NT5M: variants seen among roughly 807,000 people sequenced by gnomAD.
NT5M encodes the protein 5',3'-nucleotidase, mitochondrial, also known as 5'(3')-deoxyribonucleotidase, mitochondrial.
Under a neutral mutation model 22.2 loss-of-function variants are expected in NT5M, and 22 were observed. The observed-to-expected ratio is 0.99, with a 90% confidence interval of 0.71 to 1.41. The LOEUF is 1.41. Ranked by LOEUF, NT5M falls within the 40% of genes most tolerant of loss-of-function variation. NT5M has a pLI of 0.00. For synonymous variants in NT5M, 167 were observed against 133.0 expected (o/e 1.26, Z -1.76); for missense variants, 322 against 314.8 (o/e 1.02, Z -0.17).
chr17:17,344,015 C>G (rs1285051440), intron 3 of NT5M, among the ~76,000 whole-genome samples: 1 of 152,150 alleles, frequency 6.6e-6, no homozygotes, highest in Non-Finnish European at 1.5e-5. Context: ...AGGAAAAAGT[C>G]AATTTCCCCA....
At chr17:17,319,553 A>G (rs1267660945) in intron 2 of NT5M, among the ~76,000 whole-genome samples, 1 of 152,242 alleles carries the variant, frequency 6.6e-6, no homozygotes, top group African/African-American at 2.4e-5. Context: ...CTGTTGATAC[A>G]TTTATTTAAC....
Position 17,311,851 on chromosome 17 carries a change from TG to T in NT5M, c.368+5209del, listed in dbSNP as rs144948052. The stretch of plus-strand genomic sequence containing the variant: ...GTATGAACTTGATGTATCGTGTTCC[TG>T]TAGCAGGAGTCTGAGAGGCAAAGAA... On this transcript the variant is annotated intron_variant, in intron 2 of 4. Coordinates refer to ENST00000389022, the MANE Select transcript of NT5M (RefSeq NM_020201.4). Among the ~76,000 whole-genome samples, 799 of 152,366 alleles carry T rather than the reference TG, an allele frequency of 5.2e-3. 7 individuals carry two copies. Among genetic ancestry groups the T allele is most frequent in the African/African-American group, 0.018 (755 of 41,594 alleles).
intron 3 of NT5M, among the ~76,000 whole-genome samples, chr17:17,338,165 A>T (rs2049557119): frequency 1.3e-5 from 2 of 151,004 alleles, no homozygotes; most frequent in South Asian, 4.2e-4. Context: ...TTCAAGGTAG[A>T]TATATGGATT....
chr17:17,323,064 A>T, intron 2 of NT5M, 121 bp from the exon 3 acceptor site: 2 of 822,104 alleles, frequency 2.4e-6, no homozygotes, highest in Non-Finnish European at 4.3e-6. Flanking sequence ...TGGGTCTCCC[A>T]CAGCAGGGGA....
chr17:17,343,934 T>A (rs2049701235), intron 3 of NT5M, among the ~76,000 whole-genome samples: 1 of 152,098 alleles, frequency 6.6e-6, no homozygotes, highest in Admixed American at 6.5e-5. Flanking sequence ...CCAGAGCAGG[T>A]GCCGTGCTTA....
rs962961770 is a variant in NT5M at position 17,330,686 on chromosome 17, A to AT, written c.429+7451dup. On this transcript the variant is annotated intron_variant, in intron 3 of 4. Coordinates refer to ENST00000389022, the MANE Select transcript of NT5M (RefSeq NM_020201.4). ...CCACCGCGCCTGGCCAACATAGACC[A>AT]TTTTTTTTTTAACTTAAGATAATGA... Among the ~76,000 whole-genome samples, 45 of 137,846 alleles carry AT rather than the reference A, an allele frequency of 3.3e-4. 2 individuals carry two copies. The highest frequency in any genetic ancestry group is 1.9e-3 in the East Asian group (9 of 4,756). The allele number at this position is 137,846 out of a possible 152,430, so 90.4% of individuals were successfully genotyped here.
chr17:17,338,684 T>G (rs1292152129), intron 3 of NT5M, among the ~76,000 whole-genome samples: 1 of 147,738 alleles, frequency 6.8e-6, no homozygotes, highest in Non-Finnish European at 1.5e-5. Flanking sequence ...AGGGTTTTTT[T>G]TTTTTTTTTT....
chr17:17,341,728 C>T (rs1337082330), intron 3 of NT5M, among the ~76,000 whole-genome samples: 1 of 152,134 alleles, frequency 6.6e-6, no homozygotes, highest in Non-Finnish European at 1.5e-5. Context: ...TTACCTCTTA[C>T]CATATATAAA....
intron 3 of NT5M, among the ~76,000 whole-genome samples, chr17:17,325,913 A>T (rs532565288): frequency 2.7e-4 from 41 of 151,950 alleles, no homozygotes; most frequent in South Asian, 6.2e-4. Context: ...ACTTCCCACC[A>T]CTTGAAATGG....
chr17:17,323,597 TTTA>T (rs1448895720), intron 3 of NT5M, among the ~76,000 whole-genome samples: 1 of 152,216 alleles, frequency 6.6e-6, no homozygotes, highest in Non-Finnish European at 1.5e-5. Flanking sequence ...GTATACTCAC[TTTA>T]TTATCTTTAT....
At chr17:17,308,362 G>C (rs1418437579) in intron 2 of NT5M, among the ~76,000 whole-genome samples, 3 of 152,210 alleles carry the variant, frequency 2.0e-5, no homozygotes, top group Non-Finnish European at 4.4e-5. Context: ...GGGAGGTCGA[G>C]GCGGGCGGAT....
At chr17:17,339,737 A>T (rs11650700) in intron 3 of NT5M, among the ~76,000 whole-genome samples, 32,667 of 152,094 alleles carry the variant, frequency 0.21, 3,663 homozygotes, top group South Asian at 0.28. Context: ...AAATAATCAT[A>T]TGTTTTTTGT....
chr17:17,337,358 C>T (rs1360813308), intron 3 of NT5M, among the ~76,000 whole-genome samples: 1 of 152,070 alleles, frequency 6.6e-6, no homozygotes, highest in Admixed American at 6.6e-5. Flanking sequence ...CTTTCCACCT[C>T]AGCCTCCTGA....
intron 2 of NT5M, among the ~76,000 whole-genome samples, chr17:17,311,072 C>T (rs1184325975): frequency 3.3e-5 from 5 of 152,174 alleles, no homozygotes; most frequent in Non-Finnish European, 7.3e-5. Context: ...CGCGGTGGCT[C>T]ACGCTTGTAA....
At chr17:17,345,599 C>G (rs533022608) in intron 4 of NT5M, among the ~76,000 whole-genome samples, 26 of 146,070 alleles carry the variant, frequency 1.8e-4, no homozygotes, top group African/African-American at 6.4e-4. Context: ...AGTTGGAGAC[C>G]AGCCTGGGCA....
chr17:17,309,049 G>C (rs1396330018), intron 2 of NT5M, among the ~76,000 whole-genome samples: 1 of 151,934 alleles, frequency 6.6e-6, no homozygotes, highest in African/African-American at 2.4e-5. Flanking sequence ...TCACTTTTGG[G>C]CTATTGGGAA....
intron 3 of NT5M, among the ~76,000 whole-genome samples, chr17:17,341,589 A>T (rs1435736910): frequency 6.6e-6 from 1 of 152,184 alleles, no homozygotes; most frequent in Non-Finnish European, 1.5e-5. Flanking sequence ...CCACACAGGG[A>T]CCAGACAACC....
chr17:17,329,932 A>G (rs571836244), intron 3 of NT5M, among the ~76,000 whole-genome samples: 1 of 152,174 alleles, frequency 6.6e-6, no homozygotes, highest in Admixed American at 6.6e-5. Flanking sequence ...TGATCATGCC[A>G]CTGCATTACA....
intron 3 of NT5M, among the ~76,000 whole-genome samples, chr17:17,344,509 A>G (rs1303151475): frequency 2.0e-5 from 3 of 152,138 alleles, no homozygotes; most frequent in African/African-American, 7.2e-5. Flanking sequence ...TATGCTGTGC[A>G]GTGTTCGCTG....
Sources: allele counts gnomAD v4.1 joint callset (sites outside exome capture counted in the v4.1 genomes callset), GRCh38; gene constraint gnomAD v4.1.1; transcripts MANE v1.5; gene names NCBI Gene and HGNC (gene_info 2026-07-23, HGNC 2026-07-21).